Variants in MYOCOS observed in about 807,000 individuals in gnomAD.
MYOCOS encodes myocilin opposite strand, also known as myocilin opposite strand protein.
chr1:171,624,598 G>A (rs897861555), intron 2 of MYOCOS, among the ~76,000 whole-genome samples: 1 of 151,982 alleles, frequency 6.6e-6, no homozygotes, highest in Non-Finnish European at 1.5e-5. Context: ...CACGACGCCC[G>A]GCTAATATTT....
At chr1:171,608,110 G>C (rs375971788) in intron 1 of MYOCOS, among the ~76,000 whole-genome samples, 2 of 152,148 alleles carry the variant, frequency 1.3e-5, no homozygotes, top group Non-Finnish European at 2.9e-5. Flanking sequence ...CTCCCACCGG[G>C]TCCCTCCCAC....
At chr1:171,620,621 C>G (rs1652544151), upstream of MYOCOS, among the ~76,000 whole-genome samples, 1 of 152,016 alleles carries the variant, frequency 6.6e-6, no homozygotes, top group African/African-American at 2.4e-5. Flanking sequence ...CCTGAACATT[C>G]CCTTTCCATC....
chr1:171,615,994 G>A (rs1484273115), intron 2 of MYOCOS, among the ~76,000 whole-genome samples: 1 of 152,136 alleles, frequency 6.6e-6, no homozygotes, highest in Non-Finnish European at 1.5e-5. Flanking sequence ...GAGGCAGGTG[G>A]ATCACTTGAG....
intron 1 of MYOCOS, among the ~76,000 whole-genome samples, chr1:171,609,150 G>A (rs1224047929): frequency 6.6e-6 from 1 of 152,122 alleles, no homozygotes; most frequent in African/African-American, 2.4e-5. Context: ...GCTTACACAG[G>A]CCCTAATATC....
intron 1 of MYOCOS, among the ~76,000 whole-genome samples, chr1:171,603,165 T>C (rs1453594089): frequency 6.6e-6 from 1 of 152,218 alleles, no homozygotes; most frequent in Admixed American, 6.5e-5. Context: ...CAACACTAAG[T>C]TCACTTCGTG....
intron 2 of MYOCOS, among the ~76,000 whole-genome samples, chr1:171,624,425 A>G (rs1383693060): frequency 7.6e-6 from 1 of 131,804 alleles, no homozygotes; most frequent in Non-Finnish European, 1.6e-5. Context: ...ATGTGCCACC[A>G]CGTCTGGTTA....
chr1:171,606,021 T>TA (rs1652237353), intron 1 of MYOCOS, among the ~76,000 whole-genome samples: 1 of 152,122 alleles, frequency 6.6e-6, no homozygotes, highest in Non-Finnish European at 1.5e-5. Context: ...TAGTTAAAAA[T>TA]ATGACAAAAC....
chr1:171,620,832 C>A (rs1011335923), upstream of MYOCOS, among the ~76,000 whole-genome samples: 1 of 137,246 alleles, frequency 7.3e-6, no homozygotes, highest in Non-Finnish European at 1.5e-5. Flanking sequence ...AGTGCAGTGG[C>A]GATCTTGGCT....
chr1:171,608,653 C>A (rs927831805), intron 1 of MYOCOS, among the ~76,000 whole-genome samples: 1 of 151,952 alleles, frequency 6.6e-6, no homozygotes, highest in Middle Eastern at 3.2e-3. Context: ...GATCTCCTGA[C>A]CTCATGATCT....
chr1:171,626,302 G>A (rs1652695748), intron 2 of MYOCOS, among the ~76,000 whole-genome samples, 152 bp from the exon 3 acceptor site: 2 of 152,116 alleles, frequency 1.3e-5, no homozygotes, highest in South Asian at 4.1e-4. Context: ...GGCTGGTCTT[G>A]AACTCCTGGG....
At chr1:171,602,967 A>G (rs1386754765) in intron 1 of MYOCOS, among the ~76,000 whole-genome samples, 2 of 152,236 alleles carry the variant, frequency 1.3e-5, no homozygotes, top group Non-Finnish European at 2.9e-5. Flanking sequence ...GCTTGTGCAC[A>G]TGGCAGGCCA....
intron 1 of MYOCOS, among the ~76,000 whole-genome samples, chr1:171,606,870 G>T (rs1652253998): frequency 1.3e-5 from 2 of 152,014 alleles, no homozygotes; most frequent in African/African-American, 4.8e-5. Flanking sequence ...AAGGCGGGTG[G>T]ATCACGAGGT....
At chr1:171,605,392 CACA>C (rs1392041212) in intron 1 of MYOCOS, among the ~76,000 whole-genome samples, 1 of 124,022 alleles carries the variant, frequency 8.1e-6, no homozygotes, top group African/African-American at 4.5e-5. Context: ...CACACACACA[CACA>C]AAAAAAAAAA....
upstream of MYOCOS, among the ~76,000 whole-genome samples, chr1:171,618,709 G>A (rs1382440989): frequency 1.3e-5 from 2 of 152,024 alleles, no homozygotes; most frequent in Non-Finnish European, 2.9e-5. Flanking sequence ...CCGAGTAGCT[G>A]GGATTACAGG....
At chr1:171,608,062 C>A (rs1652283481) in intron 1 of MYOCOS, among the ~76,000 whole-genome samples, 1 of 152,198 alleles carries the variant, frequency 6.6e-6, no homozygotes, top group South Asian at 2.1e-4. Context: ...GCTACCACGA[C>A]AGCAGTATGG....
chr1:171,625,830 T>C (rs150956096), intron 2 of MYOCOS, among the ~76,000 whole-genome samples: 12 of 152,210 alleles, frequency 7.9e-5, no homozygotes, highest in Non-Finnish European at 1.6e-4. Flanking sequence ...AGCTAATTGA[T>C]GGGAAGAACT....
At chr1:171,620,684 T>A (rs1255620482), upstream of MYOCOS, among the ~76,000 whole-genome samples, 2 of 152,136 alleles carry the variant, frequency 1.3e-5, no homozygotes, top group African/African-American at 4.8e-5. Flanking sequence ...AAATTTTAAA[T>A]TCACCTGTAG....
At position 171,603,158 on chromosome 1, in the gene MYOCOS, C is replaced by T. The variant is rs577026865; in HGVS notation, c.-252+2078C>T. On this transcript the variant is annotated intron_variant, in intron 1 of 3. Coordinates refer to the MYOCOS transcript ENST00000636697. The stretch of plus-strand genomic sequence containing the variant: ...AGGCCATCCAGCTTCCGTCTCCCAA[C>T]ACTAAGTTCACTTCGTGTCTCTCAT... 3.3e-5 allele frequency among the ~76,000 whole-genome samples: 5 copies of T among 152,350 alleles called. 1 individual carries two copies. In the South Asian group the frequency reaches 1.0e-3, roughly 32 times the overall value.
chr1:171,607,912 G>T (rs1221484701), intron 1 of MYOCOS, among the ~76,000 whole-genome samples: 1 of 152,198 alleles, frequency 6.6e-6, no homozygotes, highest in African/African-American at 2.4e-5. Flanking sequence ...TGGACTCGCA[G>T]TTCCATGTGG....
Sources: gnomAD v4.1 joint callset for allele counts (sites outside exome capture counted in the v4.1 genomes callset) on GRCh38, gnomAD v4.1.1 for gene constraint, MANE v1.5 for transcripts, NCBI Gene and HGNC (gene_info 2026-07-23, HGNC 2026-07-21) for gene names.